RPTOR: variants seen among roughly 807,000 people sequenced by gnomAD.
RPTOR encodes regulatory associated protein of MTOR complex 1.
Under a neutral mutation model 169.9 loss-of-function variants are expected in RPTOR, and 21 were observed. That is an observed-to-expected ratio of 0.12 (90% CI 0.09 to 0.18). The LOEUF (loss-of-function observed/expected upper bound fraction) is 0.18. Ranked by LOEUF, RPTOR falls within the 10% of genes least tolerant of loss-of-function variation. The pLI, the probability that RPTOR is intolerant of heterozygous loss-of-function variation, is 1.00. For synonymous variants in RPTOR, 732 were observed against 753.2 expected, an observed-to-expected ratio of 0.97 and a Z score of 0.46; for missense variants, 1,133 against 1,855.9, an observed-to-expected ratio of 0.61 and a Z score of 7.16.
chr17:80,713,627 A>T (rs1288782092), intron 4 of RPTOR, among the ~76,000 whole-genome samples: 1 of 152,212 alleles, frequency 6.6e-6, no homozygotes, highest in Non-Finnish European at 1.5e-5. Flanking sequence ...GAAACGATAT[A>T]CTATGCCAAT....
chr17:80,563,071 C>A (rs1316281489), intron 1 of RPTOR, among the ~76,000 whole-genome samples: 2 of 152,186 alleles, frequency 1.3e-5, no homozygotes, highest in Non-Finnish European at 2.9e-5. Flanking sequence ...TGGCAGGTGG[C>A]AGAGCCTGGG....
chr17:80,799,756 C>T (rs1009014433), intron 7 of RPTOR, among the ~76,000 whole-genome samples: 1 of 152,084 alleles, frequency 6.6e-6, no homozygotes, highest in Non-Finnish European at 1.5e-5. Context: ...CCCTCCCCAG[C>T]GGCCGCCCTG....
intron 2 of RPTOR, among the ~76,000 whole-genome samples, chr17:80,629,891 T>C (rs1215297755): frequency 6.6e-6 from 1 of 152,248 alleles, no homozygotes; most frequent in Non-Finnish European, 1.5e-5. Flanking sequence ...CTCAGCTCTC[T>C]ATGTATTGCG....
Position 80,763,463 on chromosome 17 carries a change from T to C in RPTOR, c.830+9278T>C, listed in dbSNP as rs187497839. 7.2e-5 allele frequency among the ~76,000 whole-genome samples: 11 copies of C among 152,306 alleles called. No individual in the cohort carries two copies. In the East Asian group the frequency reaches 2.1e-3, roughly 29 times the overall value. ...CAGGAAGGTATATACTGATGATGAC[T>C]GTGTGCACCTGACAACGTGGCCTCG... On this transcript the variant is annotated intron_variant, in intron 6 of 33. Coordinates refer to ENST00000306801, the MANE Select transcript of RPTOR (RefSeq NM_020761.3).
chr17:80,545,188 C>T lies in RPTOR; in HGVS notation c.-442C>T. 1 of 235,502 alleles carries T rather than the reference C, an allele frequency of 4.2e-6. No homozygotes were observed. The highest frequency in any genetic ancestry group is 1.3e-3 in the Middle Eastern group (1 of 798). 14.6% of individuals were successfully genotyped at this position (235,502 alleles called of 1,614,324 possible). On this transcript the variant is annotated 5_prime_UTR_variant, in exon 1 of 34. Transcript: ENST00000306801. ...TGAACCCGATCCCTTGGCCGGAGAC[C>T]TCAGCCCAGTCGGCCCAGTGGGCGA...
intron 6 of RPTOR, among the ~76,000 whole-genome samples, chr17:80,789,097 T>G (rs538022211): frequency 2.0e-5 from 3 of 152,246 alleles, no homozygotes; most frequent in Non-Finnish European, 4.4e-5. Context: ...GAACATTATA[T>G]TTTCACTGAA....
At chr17:80,872,379 C>T (rs8071569) in intron 13 of RPTOR, among the ~76,000 whole-genome samples, 3,293 of 152,260 alleles carry the variant, frequency 0.022, 122 homozygotes, top group African/African-American at 0.075. Context: ...CATGCTATCC[C>T]GGGAGAACTG....
At chr17:80,635,371 G>A (rs1240838171) in intron 2 of RPTOR, among the ~76,000 whole-genome samples, 28 of 152,204 alleles carry the variant, frequency 1.8e-4, no homozygotes, top group Admixed American at 1.8e-3. Flanking sequence ...GACCCACCTT[G>A]TGGCTTTAGG....
At chr17:80,899,674 T>C (rs2068451207) in intron 20 of RPTOR, among the ~76,000 whole-genome samples, 1 of 152,240 alleles carries the variant, frequency 6.6e-6, no homozygotes, top group Non-Finnish European at 1.5e-5. Context: ...ACACTGCCAG[T>C]GTGGTGCAAA....
chr17:80,801,246 G>A (rs550639077), intron 7 of RPTOR, among the ~76,000 whole-genome samples: 66 of 152,278 alleles, frequency 4.3e-4, no homozygotes, highest in African/African-American at 1.6e-3. Context: ...ATGGTGCCAG[G>A]CATCGTGCTG....
intron 33 of RPTOR, 37 bp from the exon 34 acceptor site, chr17:80,964,222 CGCA>C: frequency 6.3e-7 from 1 of 1,578,528 alleles, no homozygotes; most frequent in Admixed American, 1.7e-5. Context: ...AGTGTCTGCC[CGCA>C]CCTGAACCCC....
chr17:80,922,681 C>A, intron 21 of RPTOR, 43 bp from the exon 22 acceptor site: 1 of 1,478,066 alleles, frequency 6.8e-7, no homozygotes, highest in Non-Finnish European at 9.2e-7. Flanking sequence ...CTCCGCGGAG[C>A]ACGTCCCGTC....
At chr17:80,942,510 C>T (rs2144043537) in intron 25 of RPTOR, among the ~76,000 whole-genome samples, 1 of 152,124 alleles carries the variant, frequency 6.6e-6, no homozygotes, top group East Asian at 1.9e-4. Context: ...CCTCAAGACA[C>T]AGGGGATGGT....
intron 5 of RPTOR, among the ~76,000 whole-genome samples, chr17:80,739,728 T>TA (rs961078049): frequency 7.3e-5 from 11 of 150,992 alleles, no homozygotes; most frequent in East Asian, 1.9e-4. Flanking sequence ...CAAGGGAAAT[T>TA]AAAAAAAAAT....
At chr17:80,907,154 C>G (rs776347159) in intron 20 of RPTOR, among the ~76,000 whole-genome samples, 3 of 152,278 alleles carry the variant, frequency 2.0e-5, no homozygotes, top group Non-Finnish European at 2.9e-5. Flanking sequence ...AGGCCCTCCA[C>G]TGGCTTTCGA....
At chr17:80,616,936 G>A (rs1045421836) in intron 1 of RPTOR, among the ~76,000 whole-genome samples, 9 of 152,024 alleles carry the variant, frequency 5.9e-5, no homozygotes, top group Admixed American at 2.6e-4. Context: ...TAGTTACCTT[G>A]GATACTCGCC....
chr17:80,627,541 T>A (rs2065405602), intron 2 of RPTOR, among the ~76,000 whole-genome samples: 1 of 152,256 alleles, frequency 6.6e-6, no homozygotes, highest in Admixed American at 6.5e-5. Flanking sequence ...GAATGTCATT[T>A]AAGTGGCGAC....
chr17:80,709,365 A>G (rs929886313), intron 4 of RPTOR, among the ~76,000 whole-genome samples: 1 of 152,072 alleles, frequency 6.6e-6, no homozygotes, highest in Non-Finnish European at 1.5e-5. Flanking sequence ...GGCACAGTGA[A>G]TTTGAATTTG....
intron 3 of RPTOR, among the ~76,000 whole-genome samples, chr17:80,667,220 A>G (rs1281409159): frequency 1.3e-5 from 2 of 152,160 alleles, no homozygotes; most frequent in Admixed American, 1.3e-4. Context: ...CCACATTGGA[A>G]GAGTTAGACG....
Sources: allele counts gnomAD v4.1 joint callset (sites outside exome capture counted in the v4.1 genomes callset), GRCh38; gene constraint gnomAD v4.1.1; transcripts MANE v1.5; gene names NCBI Gene and HGNC (gene_info 2026-07-23, HGNC 2026-07-21).